Variants in PEX5L observed in about 807,000 individuals in gnomAD.
PEX5L encodes PEX5-related protein.
Under a neutral mutation model 84.0 loss-of-function variants are expected in PEX5L, and 30 were observed. The observed-to-expected ratio is 0.36, with a 90% CI of 0.27 to 0.48. The LOEUF is 0.48. Ranked by LOEUF, PEX5L falls within the 20% of genes least tolerant of loss-of-function variation. PEX5L has a pLI of 0.99. For missense variants in PEX5L, 533 were observed against 754.6 expected (o/e 0.71, Z 3.44); for synonymous variants, 270 against 283.1 (o/e 0.95, Z 0.46).
Position 179,874,362 on chromosome 3 carries a change from A to G in PEX5L, c.691T>C (p.Ser231Pro). ...GCCACTAATTCCAATTCTGAAGCCG[A>G]CTCAGAGTTGAGGGCGCTTTTTCCA... is the stretch of plus-strand genomic sequence containing the variant. ...SGGKSALNSE[S>P]ASELELVAPT... Residue 231 changes from serine (S) to proline (P), a missense_variant, in exon 7 of 15, where the codon TCG becomes CCG. Transcript: ENST00000467460. The G allele has an allele frequency of 6.2e-7, 1 of 1,612,768 alleles. No individual in the cohort carries two copies. The highest frequency in any genetic ancestry group is 1.1e-5 in the South Asian group (1 of 90,986).
intron 1 of PEX5L, among the ~76,000 whole-genome samples, chr3:179,989,545 TAA>T (rs985759573): frequency 1.4e-4 from 21 of 152,212 alleles, no homozygotes; most frequent in African/African-American, 5.1e-4. Context: ...ATGAGATGCT[TAA>T]AAGTATTATT....
At chr3:179,842,280 T>TAGGAC (rs1220412985) in intron 8 of PEX5L, among the ~76,000 whole-genome samples, 1 of 152,192 alleles carries the variant, frequency 6.6e-6, no homozygotes, top group Non-Finnish European at 1.5e-5. Flanking sequence ...GCTCTGTAAC[T>TAGGAC]AGGACGGGTA....
intron 1 of PEX5L, among the ~76,000 whole-genome samples, chr3:180,012,262 T>TA (rs58924999): frequency 0.19 from 28,370 of 152,096 alleles, 2,805 homozygotes; most frequent in African/African-American, 0.26. Context: ...CTTATGATAA[T>TA]AGACAGATAT....
intron 7 of PEX5L, among the ~76,000 whole-genome samples, chr3:179,870,981 T>C (rs943658005): frequency 6.6e-6 from 1 of 152,210 alleles, no homozygotes; most frequent in African/African-American, 2.4e-5. Flanking sequence ...GAAATACAAT[T>C]TTTAAAGGAA....
intron 7 of PEX5L, among the ~76,000 whole-genome samples, chr3:179,870,826 T>C (rs1244504286): frequency 6.6e-6 from 1 of 152,184 alleles, no homozygotes; most frequent in East Asian, 1.9e-4. Context: ...CTTCCAGAGG[T>C]GGAAAGAAAG....
intron 3 of PEX5L, among the ~76,000 whole-genome samples, chr3:179,893,069 G>A (rs1758083392): frequency 6.6e-6 from 1 of 152,146 alleles, no homozygotes; most frequent in Non-Finnish European, 1.5e-5. Context: ...GGGGCTTGTT[G>A]TCAATCAGAA....
Position 179,879,969 on chromosome 3 carries a change from G to C in PEX5L, c.465C>G (p.Gly155=), listed in dbSNP as rs1383402259. ...DLISTDAEQR[G]QPLRVPETSS... ...AAGTCTCCGGGACTCTGAGAGGCTGGCCTCTCTGCTCAGCATCCGTGCTGA... is the reference window on the plus strand; with the variant it reads ...AAGTCTCCGGGACTCTGAGAGGCTGCCCTCTCTGCTCAGCATCCGTGCTGA... The change falls in exon 5 of 15, where the codon GGC becomes GGG. Residue 155 remains glycine (G), a synonymous_variant. Coordinates refer to ENST00000467460, the MANE Select transcript of PEX5L (RefSeq NM_016559.3). 1.9e-6 allele frequency: 3 copies of C among 1,608,714 alleles called. No homozygotes were observed. In the African/African-American group the frequency reaches 4.0e-5, roughly 22 times the overall value.
intron 1 of PEX5L, among the ~76,000 whole-genome samples, chr3:179,978,063 T>A (rs1012038253): frequency 6.6e-6 from 1 of 152,248 alleles, no homozygotes; most frequent in Admixed American, 6.5e-5. Flanking sequence ...TTTTGCCATA[T>A]GCATGAGCCC....
At chr3:179,809,697 AT>A (rs569902648) in intron 11 of PEX5L, 29 bp from the exon 12 acceptor site, 257 of 1,487,694 alleles carry the variant, frequency 1.7e-4, no homozygotes, top group African/African-American at 2.3e-4. Flanking sequence ...CCAATTTCAG[AT>A]TTTTTTTTGA....
chr3:180,007,433 CT>C (rs1201995508), intron 1 of PEX5L, among the ~76,000 whole-genome samples: 1 of 152,236 alleles, frequency 6.6e-6, no homozygotes, highest in Non-Finnish European at 1.5e-5. Context: ...ACAGTGCAAG[CT>C]GTCAGTGGAT....
At chr3:179,998,477 A>C (rs1255992547) in intron 1 of PEX5L, among the ~76,000 whole-genome samples, 1 of 152,218 alleles carries the variant, frequency 6.6e-6, no homozygotes, top group African/African-American at 2.4e-5. Context: ...AGCCTTCGGC[A>C]GACCTCTATA....
intron 2 of PEX5L, among the ~76,000 whole-genome samples, chr3:179,944,313 C>T (rs1303747856): frequency 6.6e-6 from 1 of 152,144 alleles, no homozygotes; most frequent in East Asian, 1.9e-4. Flanking sequence ...GACTTTTGCT[C>T]AACAAAAATC....
Position 179,864,580 on chromosome 3 carries a change from T to C in PEX5L, c.727-5423A>G, listed in dbSNP as rs1188778690. On this transcript the variant is annotated intron_variant, in intron 7 of 14. Transcript: ENST00000467460. Reference sequence around the variant, plus strand: ...TGGTCAAAGGATATAAAATTTCAGTTAGATAGGAGGAAAAAGTTCAAGAGA... The same window carrying C: ...TGGTCAAAGGATATAAAATTTCAGTCAGATAGGAGGAAAAAGTTCAAGAGA... 2.6e-5 allele frequency among the ~76,000 whole-genome samples: 4 copies of C among 152,034 alleles called. No homozygotes were observed. The East Asian group carries it at 7.7e-4, about 29-fold the overall frequency.
At chr3:179,887,278 A>T (rs976657063) in intron 4 of PEX5L, among the ~76,000 whole-genome samples, 5 of 152,234 alleles carry the variant, frequency 3.3e-5, no homozygotes, top group Admixed American at 3.3e-4. Context: ...AAAGGTTGCC[A>T]CATTTTTATT....
intron 3 of PEX5L, among the ~76,000 whole-genome samples, chr3:179,894,849 C>T (rs1160118419): frequency 1.3e-5 from 2 of 152,046 alleles, no homozygotes; most frequent in Non-Finnish European, 2.9e-5. Context: ...GATAAATGGG[C>T]TATACCTTGC....
intron 2 of PEX5L, among the ~76,000 whole-genome samples, chr3:179,914,349 A>G (rs1186133967): frequency 1.3e-5 from 2 of 152,188 alleles, no homozygotes; most frequent in African/African-American, 4.8e-5. Flanking sequence ...AAGTCTCTAG[A>G]GGTCCAAGTT....
rs544745865 is a variant in PEX5L at position 179,827,048 on chromosome 3, AC to A, written c.823-7073del. The stretch of plus-strand genomic sequence containing the variant: ...CACACTATCATTGGTAAATGATACA[AC>A]CAGAAATCAAAATACTTCATTCTTT... On this transcript the variant is annotated intron_variant, in intron 8 of 14. Coordinates refer to ENST00000467460, the MANE Select transcript of PEX5L (RefSeq NM_016559.3). Among the ~76,000 whole-genome samples the A allele has an allele frequency of 8.1e-4, 124 of 152,308 alleles. 2 individuals carry two copies. The highest frequency in any genetic ancestry group is 1.4e-3 in the East Asian group (7 of 5,180).
rs1477403485 is a variant in PEX5L at position 179,898,193 on chromosome 3, T to G, written c.147A>C (p.Ile49=). 6.2e-7 allele frequency: 1 copy of G among 1,613,644 alleles called. No individual in the cohort carries two copies. The highest frequency in any genetic ancestry group is 8.5e-7 in the Non-Finnish European group (1 of 1,179,632). The change falls in exon 3 of 15, where the codon ATA becomes ATC. Residue 49 remains isoleucine, a synonymous_variant. Coordinates refer to ENST00000467460, the MANE Select transcript of PEX5L (RefSeq NM_016559.3). ...DKAVAMVMKE[I]PREESAEEKP... is the part of the protein sequence containing the mutation. ...TTTCTTCAGCAGACTCCTCCCTCGG[T>G]ATCTCCTTCATCACCATGGCAACAG... is the stretch of plus-strand genomic sequence containing the variant.
At chr3:179,973,340 T>A in intron 1 of PEX5L, 1 of 1,228,810 alleles carries the variant, frequency 8.1e-7, no homozygotes, top group Non-Finnish European at 1.0e-6. Flanking sequence ...ACAGCATTAA[T>A]AATGTACAAC....
Sources: gnomAD v4.1 joint callset for allele counts (sites outside exome capture counted in the v4.1 genomes callset) on GRCh38, gnomAD v4.1.1 for gene constraint, MANE v1.5 for transcripts, NCBI Gene and HGNC (gene_info 2026-07-23, HGNC 2026-07-21) for gene names.